PTPRZ1: variants seen among roughly 807,000 people sequenced by gnomAD.
PTPRZ1 encodes the protein protein tyrosine phosphatase receptor type Z1.
In PTPRZ1, 82 loss-of-function variants were observed where a neutral mutation model predicts 214.1. The observed-to-expected ratio is 0.38, with a 90% CI of 0.32 to 0.46. The LOEUF (loss-of-function observed/expected upper bound fraction) is 0.46, where lower values mean the gene tolerates loss of function less well. PTPRZ1 is among the 20% of genes least tolerant of loss of function. The probability of loss-of-function intolerance (pLI) is 1.00; values close to 1 mark genes in which losing one functional copy is unlikely to be tolerated. For synonymous variants in PTPRZ1, 945 were observed against 987.9 expected, an observed-to-expected ratio of 0.96 and a Z score of 0.81; for missense variants, 2,603 against 2,748.7, an observed-to-expected ratio of 0.95 and a Z score of 1.19.
At chr7:121,918,057 A>G (rs1002135666) in intron 1 of PTPRZ1, among the ~76,000 whole-genome samples, 10 of 152,208 alleles carry the variant, frequency 6.6e-5, no homozygotes, top group Admixed American at 6.5e-4. Flanking sequence ...AAAAAAAAAA[A>G]AAAAGGAATT....
chr7:122,007,843 G>A (rs1798538385), intron 11 of PTPRZ1, among the ~76,000 whole-genome samples: 1 of 152,088 alleles, frequency 6.6e-6, no homozygotes, highest in Non-Finnish European at 1.5e-5. Context: ...AAGAGTATTT[G>A]TTAAAATATT....
In PTPRZ1 at chr7:122,040,837, A is replaced by G; in HGVS notation, c.5659A>G (p.Ser1887Gly). 6.3e-7 allele frequency: 1 copy of G among 1,576,022 alleles called. No homozygotes were observed. Among genetic ancestry groups the G allele is most frequent in the South Asian group, 1.1e-5 (1 of 87,526 alleles). ...IKKGSQKGRP[S>G]GRVVTQYHYT... is the part of the protein sequence containing the mutation. Reference sequence around the variant, plus strand: ...CCAGGGCTCCCAGAAAGGAAGACCCAGTGGACGTGTGGTCACACAGTATCA... The same window carrying G: ...CCAGGGCTCCCAGAAAGGAAGACCCGGTGGACGTGTGGTCACACAGTATCA... Residue 1887 changes from serine (S) to glycine (G), a missense_variant, in exon 21 of 30, where the codon AGT (serine) becomes GGT (glycine). Ser to Gly is a moderately conservative substitution (Grantham distance 56). Coordinates refer to ENST00000393386, the MANE Select transcript of PTPRZ1 (RefSeq NM_002851.3).
chr7:121,917,221 T>C (rs2116330141), intron 1 of PTPRZ1, among the ~76,000 whole-genome samples: 1 of 152,340 alleles, frequency 6.6e-6, no homozygotes, highest in East Asian at 1.9e-4. Context: ...ATCTTTTTTG[T>C]ACAGTTATGA....
intron 14 of PTPRZ1, among the ~76,000 whole-genome samples, chr7:122,029,085 G>C (rs1799292018): frequency 6.7e-6 from 1 of 149,584 alleles, no homozygotes; most frequent in South Asian, 2.1e-4. Context: ...TTGAGTTTAT[G>C]TGAGAAAAGG....
chr7:122,027,743 G>A (rs1478394653), intron 13 of PTPRZ1, among the ~76,000 whole-genome samples: 1 of 152,068 alleles, frequency 6.6e-6, no homozygotes. Flanking sequence ...ATAGTTTGTG[G>A]TGTGCTCTTA....
chr7:122,031,530 G>T lies in PTPRZ1; in HGVS notation c.5137G>T (p.Ala1713Ser). Residue 1713 changes from alanine (A) to serine (S), a missense_variant, in exon 15 of 30, where the codon GCA (alanine) becomes TCA (serine). By Grantham distance (99) the Ala-to-Ser change is moderately conservative. Transcript: ENST00000393386. ...HFPKHVADLH[A>S]SSGFTEEFET... ...TCCAAAGCATGTTGCAGATTTACAT[G>T]CAAGTAGTGGGTTTACTGAAGAATT... 6.2e-7 allele frequency: 1 copy of T among 1,610,172 alleles called. No homozygotes were observed. Among genetic ancestry groups the T allele is most frequent in the Non-Finnish European group, 8.5e-7 (1 of 1,177,590 alleles).
At chr7:122,059,651 T>A in intron 28 of PTPRZ1, 102 bp from the exon 29 acceptor site, 1 of 1,313,300 alleles carries the variant, frequency 7.6e-7, no homozygotes. Context: ...AGTTTCAGTG[T>A]TTTCACTGCA....
At chr7:121,935,905 G>A (rs1179976765) in intron 2 of PTPRZ1, among the ~76,000 whole-genome samples, 1 of 152,108 alleles carries the variant, frequency 6.6e-6, no homozygotes, top group Non-Finnish European at 1.5e-5. Context: ...GCTCTAGTTC[G>A]TGAAATAGAC....
chr7:121,991,732 T>G (rs1181616717), intron 8 of PTPRZ1, among the ~76,000 whole-genome samples: 1 of 152,218 alleles, frequency 6.6e-6, no homozygotes, highest in Non-Finnish European at 1.5e-5. Flanking sequence ...AAAGACTGAG[T>G]GAAAGAGGTA....
chr7:121,981,151 AAAAG>A (rs1243095568), intron 6 of PTPRZ1, among the ~76,000 whole-genome samples: 1 of 151,864 alleles, frequency 6.6e-6, no homozygotes, highest in Non-Finnish European at 1.5e-5. Flanking sequence ...AAAAAAAAAA[AAAAG>A]AAAGAAAAGA....
At chr7:121,968,870 T>C (rs977864063) in intron 3 of PTPRZ1, among the ~76,000 whole-genome samples, 4 of 152,162 alleles carry the variant, frequency 2.6e-5, no homozygotes, top group East Asian at 1.9e-4. Context: ...AGCTTTATCA[T>C]TGGTGAATTT....
intron 11 of PTPRZ1, among the ~76,000 whole-genome samples, chr7:122,006,119 G>A (rs1004945982): frequency 6.6e-6 from 1 of 151,906 alleles, no homozygotes; most frequent in Admixed American, 6.6e-5. Flanking sequence ...GACTTTATAT[G>A]CATTTTAAAA....
chr7:122,038,794 C>T lies in PTPRZ1; in HGVS notation c.5407C>T (p.Pro1803Ser). The T allele has an allele frequency of 6.2e-7, 1 of 1,613,630 alleles. No individual in the cohort carries two copies. Among genetic ancestry groups the T allele is most frequent in the Non-Finnish European group, 8.5e-7 (1 of 1,179,736 alleles). ...RPKAYIAAQG[P>S]LKSTAEDFWR... Reference sequence around the variant, plus strand: ...AAAAGCTTATATTGCTGCCCAAGGCCCACTGAAATCCACAGCTGAAGATTT... The same window carrying T: ...AAAAGCTTATATTGCTGCCCAAGGCTCACTGAAATCCACAGCTGAAGATTT... Residue 1803 changes from proline to serine, a missense_variant, in exon 19 of 30, where the codon CCA becomes TCA. Physicochemically the swap from Pro to Ser is moderately conservative, Grantham distance 74. This residue lies in a region of PTPRZ1 where 1,913 missense variants were observed against 1,914.3 expected (regional missense o/e 1.00). Coordinates refer to ENST00000393386, the MANE Select transcript of PTPRZ1 (RefSeq NM_002851.3).
At chr7:121,874,393 G>A (rs1355058712) in intron 1 of PTPRZ1, among the ~76,000 whole-genome samples, 2 of 152,148 alleles carry the variant, frequency 1.3e-5, no homozygotes, top group Admixed American at 6.5e-5. Context: ...GGACTTTTGC[G>A]TTTTATTAAA....
intron 1 of PTPRZ1, among the ~76,000 whole-genome samples, chr7:121,925,553 C>T (rs939150043): frequency 1.5e-4 from 23 of 152,262 alleles, no homozygotes; most frequent in South Asian, 8.3e-4. Context: ...GAAGGAAATA[C>T]TTTACTCAAG....
intron 1 of PTPRZ1, among the ~76,000 whole-genome samples, chr7:121,889,774 A>T (rs1323374128): frequency 6.6e-6 from 1 of 152,136 alleles, no homozygotes; most frequent in Non-Finnish European, 1.5e-5. Context: ...AAAATACCTT[A>T]TCAGTCTCAC....
At chr7:122,017,186 CTG>C (rs1798867513) in intron 12 of PTPRZ1, among the ~76,000 whole-genome samples, 1 of 152,122 alleles carries the variant, frequency 6.6e-6, no homozygotes, top group Non-Finnish European at 1.5e-5. Context: ...ATAGAAAAAA[CTG>C]TGAAGACAAC....
intron 10 of PTPRZ1, among the ~76,000 whole-genome samples, chr7:122,003,235 C>T (rs1798380178): frequency 6.6e-6 from 1 of 152,016 alleles, no homozygotes; most frequent in Admixed American, 6.6e-5. Context: ...TTTCCAAAGT[C>T]CTTCATGGTT....
At position 122,051,952 on chromosome 7, in the gene PTPRZ1, A is replaced by C; in HGVS notation, c.6252+13A>C. 6.3e-7 allele frequency: 1 copy of C among 1,587,594 alleles called. No individual in the cohort carries two copies. On this transcript the variant is annotated intron_variant, in intron 25 of 29. Coordinates refer to ENST00000393386, the MANE Select transcript of PTPRZ1 (RefSeq NM_002851.3). The stretch of plus-strand genomic sequence containing the variant: ...CTCCTATATCATGGTAAGTCAGAGA[A>C]GTCACTGAGGAGACTGCCAGCTTGT...
Sources: gnomAD v4.1 joint callset for allele counts (sites outside exome capture counted in the v4.1 genomes callset) on GRCh38, gnomAD v4.1.1 for gene constraint, gnomAD v4.1.1 regional missense constraint, MANE v1.5 for transcripts, NCBI Gene and HGNC (gene_info 2026-07-23, HGNC 2026-07-21) for gene names.